Variants in NEK5 observed in about 807,000 individuals in gnomAD.
NEK5 encodes the protein serine/threonine-protein kinase Nek5.
Under a neutral mutation model 109.2 loss-of-function variants are expected in NEK5, and 88 were observed. The observed-to-expected ratio is 0.81, with a 90% CI of 0.68 to 0.96. The LOEUF (loss-of-function observed/expected upper bound fraction) is 0.96. Ranked by LOEUF, NEK5 falls within the 40% of genes least tolerant of loss-of-function variation. The probability of loss-of-function intolerance (pLI) is 0.00; values close to 1 mark genes in which losing one functional copy is unlikely to be tolerated. For missense variants in NEK5, 834 were observed against 920.7 expected, an observed-to-expected ratio of 0.91 and a Z score of 1.22; for synonymous variants, 283 against 299.9, an observed-to-expected ratio of 0.94 and a Z score of 0.58.
intron 5 of NEK5, 120 bp from the exon 6 acceptor site, chr13:52,110,697 G>GC: frequency 1.8e-6 from 1 of 570,396 alleles, no homozygotes; most frequent in Admixed American, 3.3e-5. Context: ...CACACATATA[G>GC]TGTATGTGTA....
At chr13:52,086,704 G>A (rs1473494957) in intron 15 of NEK5, among the ~76,000 whole-genome samples, 1 of 152,156 alleles carries the variant, frequency 6.6e-6, no homozygotes, top group Admixed American at 6.6e-5. Context: ...CAGTGCCTTA[G>A]AATGTGACCC....
At chr13:52,046,719 A>T (rs1954462930) in intron 23 of NEK5, among the ~76,000 whole-genome samples, 1 of 151,654 alleles carries the variant, frequency 6.6e-6, no homozygotes, top group African/African-American at 2.4e-5. Flanking sequence ...TGATAGACGG[A>T]CACCCTGTCT....
In NEK5 at chr13:52,061,881, A is replaced by T. The variant is rs1954616750; in HGVS notation, c.2048T>A (p.Leu683Ter). The change falls in exon 22 of 24, where the codon TTA (leucine) becomes TAA (stop). Residue 683 changes from leucine to a stop codon, truncating the protein, a stop_gained. Coordinates refer to ENST00000684899, the MANE Select transcript of NEK5 (RefSeq NM_001365552.1). LOFTEE classifies it high-confidence loss of function. ...KQWRHEAPGT[L>*]MSVLAAAHLT... ...ATGTGCTGCTGCCAAAACACTCATT[A>T]AAGTTCCTGGAGCTTCATGCCGCCA... The T allele has an allele frequency of 1.0e-6, 1 of 985,506 alleles. No individual in the cohort carries two copies. The highest frequency in any genetic ancestry group is 1.7e-5 in the African/African-American group (1 of 57,232). 61.0% of individuals were successfully genotyped at this position (985,506 alleles called of 1,614,324 possible). A position where few individuals can be genotyped will look rare whatever the true frequency, so the allele number is the denominator to read the frequency against.
chr13:52,083,093 C>T (rs1000710215), intron 17 of NEK5, among the ~76,000 whole-genome samples, 167 bp downstream of exon 17: 2 of 152,012 alleles, frequency 1.3e-5, no homozygotes, highest in African/African-American at 4.8e-5. Flanking sequence ...CTGCAGTGAG[C>T]CAAGATCGCA....
At chr13:52,038,308 C>T (rs1395413358) in intron 23 of NEK5, among the ~76,000 whole-genome samples, 2 of 152,016 alleles carry the variant, frequency 1.3e-5, no homozygotes, top group East Asian at 1.9e-4. Flanking sequence ...GGAGACAGAG[C>T]GAGACTCCAT....
rs549979012 is a variant in NEK5, at chr13:52,070,219, G to A, written c.1849+1725C>T. Among the ~76,000 whole-genome samples the A allele has an allele frequency of 5.3e-5, 8 of 152,312 alleles. No individual in the cohort carries two copies. The South Asian group carries it at 1.7e-3, about 32-fold the overall frequency. On this transcript the variant is annotated intron_variant, in intron 20 of 23. Coordinates refer to ENST00000684899, the MANE Select transcript of NEK5 (RefSeq NM_001365552.1). ...GGCTGTATGGATCCCATTTTCCATG[G>A]AAGGAAAGAGGCCATGCTGGGATGA...
chr13:52,103,637 C>T (rs928066883), intron 9 of NEK5, among the ~76,000 whole-genome samples: 6 of 152,214 alleles, frequency 3.9e-5, no homozygotes, highest in Non-Finnish European at 8.8e-5. Context: ...TCAAGAGTGG[C>T]TATCTTTGCC....
intron 23 of NEK5, among the ~76,000 whole-genome samples, chr13:52,041,693 A>G (rs1474562736): frequency 7.7e-6 from 1 of 129,838 alleles, no homozygotes; most frequent in African/African-American, 2.8e-5. Context: ...ACACCACTGC[A>G]CTCCAGCCTG....
chr13:52,098,120 A>G (rs1955456557), intron 12 of NEK5, among the ~76,000 whole-genome samples: 1 of 152,106 alleles, frequency 6.6e-6, no homozygotes, highest in African/African-American at 2.4e-5. Context: ...CTGTAAGCCA[A>G]TTAAACCTCT....
At chr13:52,128,385 C>T (rs1466711632) in intron 1 of NEK5, among the ~76,000 whole-genome samples, 1 of 152,160 alleles carries the variant, frequency 6.6e-6, no homozygotes, top group Non-Finnish European at 1.5e-5. Context: ...GGCGCGGCTA[C>T]TGGCTACTTC....
At chr13:52,102,587 G>T (rs1013337973) in intron 9 of NEK5, among the ~76,000 whole-genome samples, 1 of 152,144 alleles carries the variant, frequency 6.6e-6, no homozygotes, top group African/African-American at 2.4e-5. Context: ...CAGCTACTTG[G>T]GAGGCTGAGG....
chr13:52,113,090 T>A (rs752678620), intron 4 of NEK5, among the ~76,000 whole-genome samples: 1 of 152,226 alleles, frequency 6.6e-6, no homozygotes, highest in Non-Finnish European at 1.5e-5. Flanking sequence ...CTATGCTGAA[T>A]ATTTTGGAGG....
At chr13:52,079,119 A>C (rs1954921984) in intron 17 of NEK5, among the ~76,000 whole-genome samples, 1 of 152,216 alleles carries the variant, frequency 6.6e-6, no homozygotes, top group East Asian at 1.9e-4. Context: ...AGGGAGAAAG[A>C]GAAAAAAGCT....
chr13:52,092,386 A>C (rs569352507), intron 13 of NEK5, among the ~76,000 whole-genome samples: 1 of 151,972 alleles, frequency 6.6e-6, no homozygotes, highest in African/African-American at 2.4e-5. Flanking sequence ...TGTAACATAT[A>C]TGACATTCTG....
intron 11 of NEK5, among the ~76,000 whole-genome samples, chr13:52,100,619 A>C (rs1955509883): frequency 6.6e-6 from 1 of 152,098 alleles, no homozygotes; most frequent in Non-Finnish European, 1.5e-5. Flanking sequence ...CGCACCTGTA[A>C]TCCCAGCAAT....
At chr13:52,071,906 C>T in intron 20 of NEK5, 38 bp downstream of exon 20, 1 of 1,599,618 alleles carries the variant, frequency 6.3e-7, no homozygotes, top group Non-Finnish European at 8.6e-7. Flanking sequence ...GCTAATAAAA[C>T]AGTTCCTTCT....
At chr13:52,098,080 C>G (rs1955454773) in intron 12 of NEK5, among the ~76,000 whole-genome samples, 1 of 152,032 alleles carries the variant, frequency 6.6e-6, no homozygotes. Flanking sequence ...TGCGGCCTCC[C>G]CAGCAATGCA....
intron 1 of NEK5, among the ~76,000 whole-genome samples, chr13:52,128,135 A>G (rs1956104920): frequency 1.3e-5 from 2 of 152,210 alleles, no homozygotes; most frequent in Admixed American, 1.3e-4. Context: ...GTTTGTGGCT[A>G]GAACCAAACT....
rs1464863798 is a variant in NEK5, at chr13:52,035,102, G to A, written c.*1846C>T. On this transcript the variant is annotated 3_prime_UTR_variant, in exon 24 of 24. Transcript: ENST00000684899. ...GAATTAATGATACTCCAATCTCTCA[G>A]GCCATGTGTCAGTTGGAAACTAACA... is the stretch of plus-strand genomic sequence containing the variant. The A allele has an allele frequency of 6.6e-6, 1 of 151,938 alleles. No individual in the cohort carries two copies. The highest frequency in any genetic ancestry group is 1.5e-5 in the Non-Finnish European group (1 of 67,980). The allele number at this position is 151,938 out of a possible 1,614,324, so 9.4% of individuals were successfully genotyped here.
Sources: allele counts gnomAD v4.1 joint callset (sites outside exome capture counted in the v4.1 genomes callset), GRCh38; gene constraint gnomAD v4.1.1; transcripts MANE v1.5; gene names NCBI Gene and HGNC (gene_info 2026-07-23, HGNC 2026-07-21).